Variants in MACROD2 observed in about 807,000 individuals in gnomAD.
The protein encoded by MACROD2 is mono-ADP ribosylhydrolase 2.
A neutral mutation model predicts 70.4 loss-of-function variants in MACROD2; 36 were observed. That is an observed-to-expected ratio of 0.51 (90% CI 0.39 to 0.68). MACROD2 has a LOEUF of 0.68. Ranked by LOEUF, MACROD2 falls within the 30% of genes least tolerant of loss-of-function variation. MACROD2 has a pLI of 0.00. For synonymous variants in MACROD2, 172 were observed against 178.8 expected (o/e 0.96, Z 0.30); for missense variants, 496 against 538.4 (o/e 0.92, Z 0.78).
At chr20:14,866,369 C>G (rs540028012) in intron 5 of MACROD2, among the ~76,000 whole-genome samples, 2 of 152,200 alleles carry the variant, frequency 1.3e-5, no homozygotes, top group East Asian at 3.9e-4. Context: ...TCCCTTCAGC[C>G]TTTTGTCTGT....
chr20:14,117,915 A>T (rs1241079757), intron 3 of MACROD2, among the ~76,000 whole-genome samples: 2 of 152,094 alleles, frequency 1.3e-5, no homozygotes, highest in African/African-American at 4.8e-5. Flanking sequence ...TATAAATTTG[A>T]TGGATTTTAC....
chr20:15,227,737 C>T (rs2076919592), intron 5 of MACROD2, among the ~76,000 whole-genome samples: 1 of 151,270 alleles, frequency 6.6e-6, no homozygotes, highest in South Asian at 2.1e-4. Context: ...TTATATTCTC[C>T]TCCTGGAGAC....
chr20:14,669,024 T>G (rs1246575493), intron 4 of MACROD2, among the ~76,000 whole-genome samples: 4 of 152,188 alleles, frequency 2.6e-5, no homozygotes, highest in Non-Finnish European at 5.9e-5. Flanking sequence ...TCAAAAGGAA[T>G]AATTGTATTG....
intron 6 of MACROD2, among the ~76,000 whole-genome samples, chr20:15,302,819 AC>A (rs1285088249): frequency 6.6e-6 from 1 of 152,198 alleles, no homozygotes; most frequent in Non-Finnish European, 1.5e-5. Context: ...TTAATTTTTT[AC>A]AAACCTGGTG....
At chr20:14,577,532 G>A (rs926401778) in intron 4 of MACROD2, among the ~76,000 whole-genome samples, 59 of 152,070 alleles carry the variant, frequency 3.9e-4, no homozygotes, top group Non-Finnish European at 4.4e-5. Context: ...TGATCCCAGC[G>A]CTTTGAGGGG....
At chr20:14,054,525 G>A (rs989743761) in intron 2 of MACROD2, among the ~76,000 whole-genome samples, 2 of 152,030 alleles carry the variant, frequency 1.3e-5, no homozygotes, top group Non-Finnish European at 2.9e-5. Context: ...GAAAAGATGT[G>A]ATAGAAAAGG....
intron 4 of MACROD2, among the ~76,000 whole-genome samples, chr20:14,523,926 A>G (rs925329018): frequency 2.8e-4 from 43 of 152,202 alleles, no homozygotes; most frequent in African/African-American, 1.0e-3. Flanking sequence ...TCCTGAGGAT[A>G]TGCCAGTCTA....
At chr20:15,206,823 A>G (rs1456133573) in intron 5 of MACROD2, among the ~76,000 whole-genome samples, 2 of 136,796 alleles carry the variant, frequency 1.5e-5, no homozygotes, top group East Asian at 2.3e-4. Flanking sequence ...TGCAAGCTCC[A>G]CCTCCCGGGT....
At chr20:14,982,455 C>T (rs1007408553) in intron 5 of MACROD2, among the ~76,000 whole-genome samples, 3 of 152,156 alleles carry the variant, frequency 2.0e-5, no homozygotes, top group African/African-American at 7.2e-5. Context: ...GTGGCAGTCC[C>T]TCCCATCACA....
chr20:14,887,677 C>T (rs754608667), intron 5 of MACROD2, among the ~76,000 whole-genome samples: 2 of 152,006 alleles, frequency 1.3e-5, no homozygotes, highest in Non-Finnish European at 2.9e-5. Flanking sequence ...TGTGAGCCAC[C>T]GTGGCTGGCC....
chr20:15,247,864 A>G (rs2077120548), intron 6 of MACROD2, among the ~76,000 whole-genome samples: 1 of 152,002 alleles, frequency 6.6e-6, no homozygotes, highest in African/African-American at 2.4e-5. Flanking sequence ...GGCCTGGCTA[A>G]TTTTTGTATT....
intron 4 of MACROD2, among the ~76,000 whole-genome samples, chr20:14,536,625 T>TGG: frequency 1.0e-5 from 1 of 99,972 alleles, no homozygotes; most frequent in African/African-American, 3.4e-5. Context: ...TAGGTAACAT[T>TGG]GGTGTGTGTG....
At chr20:15,430,466 A>G (rs2046350650) in intron 6 of MACROD2, among the ~76,000 whole-genome samples, 1 of 152,028 alleles carries the variant, frequency 6.6e-6, no homozygotes, top group African/African-American at 2.4e-5. Flanking sequence ...ATTGAAAAAT[A>G]CAGACCAGAA....
chr20:15,900,567 C>T (rs1415445695), intron 10 of MACROD2, among the ~76,000 whole-genome samples: 1 of 152,058 alleles, frequency 6.6e-6, no homozygotes. Context: ...TTAAATGGGA[C>T]TTAGAGAATG....
chr20:15,346,281 A>C (rs2078165312), intron 6 of MACROD2, among the ~76,000 whole-genome samples: 1 of 152,140 alleles, frequency 6.6e-6, no homozygotes, highest in Non-Finnish European at 1.5e-5. Flanking sequence ...TTTTGGGAGC[A>C]GAATTCCTGT....
intron 5 of MACROD2, among the ~76,000 whole-genome samples, chr20:15,045,630 A>G (rs2075387150): frequency 6.6e-6 from 1 of 151,412 alleles, no homozygotes; most frequent in Admixed American, 6.6e-5. Context: ...GATCATAACC[A>G]TGGAGAAAGG....
intron 2 of MACROD2, among the ~76,000 whole-genome samples, chr20:14,033,470 C>A (rs1000613459): frequency 1.3e-5 from 2 of 152,064 alleles, no homozygotes; most frequent in Admixed American, 6.5e-5. Context: ...ATATTCATAG[C>A]ATTCTATTCA....
chr20:15,899,016 TTGTA>T (rs2065020310), intron 10 of MACROD2, among the ~76,000 whole-genome samples: 3 of 151,726 alleles, frequency 2.0e-5, no homozygotes, highest in Admixed American at 2.0e-4. Flanking sequence ...GTGCTATCTA[TTGTA>T]TGTATGTATA....
chr20:15,197,057 A>G (rs191526194), intron 5 of MACROD2: 12 of 982,358 alleles, frequency 1.2e-5, no homozygotes, highest in Admixed American at 6.1e-5. Flanking sequence ...CACTCTTATA[A>G]GGTCCTTATA....
Sources: allele counts gnomAD v4.1 joint callset (sites outside exome capture counted in the v4.1 genomes callset), GRCh38; gene constraint gnomAD v4.1.1; transcripts MANE v1.5; gene names NCBI Gene and HGNC (gene_info 2026-07-23, HGNC 2026-07-21).